Variants in SLC9A1 observed in about 807,000 individuals in gnomAD.
The protein encoded by SLC9A1 is sodium/hydrogen exchanger 1.
Under a neutral mutation model 67.9 loss-of-function variants are expected in SLC9A1, and 22 were observed. That is an observed-to-expected ratio of 0.32 (90% CI 0.23 to 0.46). SLC9A1 has a LOEUF of 0.46. Ranked by LOEUF, SLC9A1 falls within the 20% of genes least tolerant of loss-of-function variation. The pLI is 1.00. For synonymous variants in SLC9A1, 421 were observed against 471.8 expected (o/e 0.89, Z 1.40); for missense variants, 686 against 1,094.8 (o/e 0.63, Z 5.27).
chr1:27,111,425 C>A (rs766087323), intron 2 of SLC9A1, among the ~76,000 whole-genome samples: 2 of 152,172 alleles, frequency 1.3e-5, no homozygotes, highest in Non-Finnish European at 2.9e-5. Context: ...TGTAACCTCT[C>A]CGTTCCTCAG....
rs1557431574 is a variant in SLC9A1 at position 27,137,949 on chromosome 1, G to A, written c.352+16034C>T. Among the ~76,000 whole-genome samples the A allele has an allele frequency of 1.3e-5, 2 of 152,228 alleles. No individual in the cohort carries two copies. The highest frequency in any genetic ancestry group is 4.8e-5 in the African/African-American group (2 of 41,472). ...TTCCATCCCACTGCTGGCTTGGCCAGTGGTGCCTGTCGGGAAGCTTTACTC... is the reference window on the plus strand; with the variant it reads ...TTCCATCCCACTGCTGGCTTGGCCAATGGTGCCTGTCGGGAAGCTTTACTC... On this transcript the variant is annotated intron_variant, in intron 1 of 11. Coordinates refer to ENST00000263980, the MANE Select transcript of SLC9A1 (RefSeq NM_003047.5). This position sits in a 1 kb window ranked among gnomAD's most constrained non-coding sequence, Gnocchi z 4.6.
rs575388279 is a variant in SLC9A1 at position 27,114,971 on chromosome 1, C to T, written c.353-685G>A. ...AGACACGGCTCAAGGATGTCAGTGG[C>T]AACCAGCTTTGGCAGGTGAGATAAA... is the stretch of plus-strand genomic sequence containing the variant. On this transcript the variant is annotated intron_variant, in intron 1 of 11. Transcript: ENST00000263980. The surrounding 1 kb of genome is among the most constrained non-coding windows in gnomAD (Gnocchi z 5.4). Among the ~76,000 whole-genome samples the T allele has an allele frequency of 2.4e-4, 37 of 152,266 alleles. 1 individual carries two copies. The South Asian group carries it at 7.5e-3, about 31-fold the overall frequency.
intron 1 of SLC9A1, among the ~76,000 whole-genome samples, chr1:27,135,835 C>A (rs2083417352): frequency 6.6e-6 from 1 of 152,196 alleles, no homozygotes; most frequent in African/African-American, 2.4e-5. Context: ...ATAGGCTGAG[C>A]AAAAGCAGCC....
At chr1:27,136,165 G>A (rs1472676176) in intron 1 of SLC9A1, among the ~76,000 whole-genome samples, 4 of 152,180 alleles carry the variant, frequency 2.6e-5, no homozygotes, top group Admixed American at 2.0e-4. Flanking sequence ...TATCCTCAGC[G>A]CTAAGCACAC....
chr1:27,119,241 T>C (rs2083290931), intron 1 of SLC9A1, among the ~76,000 whole-genome samples: 1 of 152,162 alleles, frequency 6.6e-6, no homozygotes, highest in African/African-American at 2.4e-5. Flanking sequence ...CTGTCCGACA[T>C]CACCCTGGGT....
chr1:27,127,452 C>G (rs1021006451), intron 1 of SLC9A1, among the ~76,000 whole-genome samples: 2 of 152,234 alleles, frequency 1.3e-5, no homozygotes, highest in Non-Finnish European at 2.9e-5. Flanking sequence ...GGTCCAGACA[C>G]AGGCCCAAGA....
At chr1:27,115,465 T>C (rs1194551382) in intron 1 of SLC9A1, among the ~76,000 whole-genome samples, 2 of 152,140 alleles carry the variant, frequency 1.3e-5, no homozygotes, top group East Asian at 3.9e-4. Context: ...GTATGTTGGG[T>C]ACTATGCTCC....
intron 1 of SLC9A1, among the ~76,000 whole-genome samples, chr1:27,152,803 A>C (rs1454738155): frequency 6.6e-6 from 1 of 152,120 alleles, no homozygotes; most frequent in Non-Finnish European, 1.5e-5. Flanking sequence ...AGCCTGCCTC[A>C]CACCAGCCCG....
chr1:27,142,259 G>A (rs1218045604), intron 1 of SLC9A1, among the ~76,000 whole-genome samples: 2 of 152,242 alleles, frequency 1.3e-5, no homozygotes, highest in East Asian at 3.8e-4. Flanking sequence ...CAGGGAAGAA[G>A]ACTGACTCTG....
In SLC9A1 at chr1:27,100,467, A is replaced by G. The variant is rs1372159203; in HGVS notation, c.2288T>C (p.Met763Thr). Residue 763 changes from methionine to threonine, a missense_variant, in exon 12 of 12, where the codon ATG becomes ACG. Coordinates refer to ENST00000263980, the MANE Select transcript of SLC9A1 (RefSeq NM_003047.5). The surrounding 1 kb of genome is among the most constrained non-coding windows in gnomAD (Gnocchi z 5.6). Reference sequence around the variant, plus strand: ...GGACGAAGTCTCCTTGCTCCGCATCATGATGCCCCCATCGTCGTCCTCGTC... The same window carrying G: ...GGACGAAGTCTCCTTGCTCCGCATCGTGATGCCCCCATCGTCGTCCTCGTC... ...EEDEDDDGGI[M>T]MRSKETSSPG... The G allele has an allele frequency of 3.1e-6, 5 of 1,613,920 alleles. No individual in the cohort carries two copies. The African/African-American group carries it at 4.0e-5, about 13-fold the overall frequency.
At chr1:27,131,313 CTGGG>C (rs1026687386) in intron 1 of SLC9A1, among the ~76,000 whole-genome samples, 5 of 151,988 alleles carry the variant, frequency 3.3e-5, no homozygotes, top group African/African-American at 1.2e-4. Context: ...ATGATAGTGG[CTGGG>C]TGTGGTGGCT....
At position 27,101,909 on chromosome 1, in the gene SLC9A1, C is replaced by A; in HGVS notation, c.1936-83G>T. 4 of 1,430,654 alleles carry A rather than the reference C, an allele frequency of 2.8e-6. No individual in the cohort carries two copies. Among genetic ancestry groups the A allele is most frequent in the Non-Finnish European group, 2.9e-6 (3 of 1,018,568 alleles). 88.6% of individuals were successfully genotyped at this position (1,430,654 alleles called of 1,614,324 possible). A position where few individuals can be genotyped will look rare whatever the true frequency, so the allele number is the denominator to read the frequency against. On this transcript the variant is annotated intron_variant, in intron 9 of 11. Transcript: ENST00000263980. The surrounding 1 kb of genome is among the most constrained non-coding windows in gnomAD (Gnocchi z 4.9). ...GGTGGGGGCAGTGCTGGAGGCCGGG[C>A]CAGTCCTGGGGTGGGTGCCGAGGGG...
chr1:27,139,196 T>C (rs1257294844), intron 1 of SLC9A1, among the ~76,000 whole-genome samples: 1 of 152,170 alleles, frequency 6.6e-6, no homozygotes, highest in African/African-American at 2.4e-5. Flanking sequence ...ACTCAGAGCC[T>C]GCAAAGAGCC....
chr1:27,141,832 C>G (rs1258293577), intron 1 of SLC9A1, among the ~76,000 whole-genome samples: 1 of 152,232 alleles, frequency 6.6e-6, no homozygotes, highest in Non-Finnish European at 1.5e-5. Flanking sequence ...CTACCTGGTA[C>G]AGCATCCAGA....
intron 1 of SLC9A1, among the ~76,000 whole-genome samples, chr1:27,143,156 A>G (rs1035322504): frequency 6.6e-6 from 1 of 151,826 alleles, no homozygotes; most frequent in Non-Finnish European, 1.5e-5. Flanking sequence ...CACAAACTTT[A>G]TCATGGACTC....
Position 27,099,999 on chromosome 1 carries a change from A to G in SLC9A1, c.*308T>C. 2.8e-6 allele frequency: 1 copy of G among 360,828 alleles called. No individual in the cohort carries two copies. Among genetic ancestry groups the G allele is most frequent in the Non-Finnish European group, 5.0e-6 (1 of 200,296 alleles). The allele number at this position is 360,828 out of a possible 1,614,324, so 22.4% of individuals were successfully genotyped here. ...CTGAATGAGGAGGAGGATGAGGCAG[A>G]GGGAGGAGCCTCCGAGGCCCTAGTC... is the stretch of plus-strand genomic sequence containing the variant. On this transcript the variant is annotated 3_prime_UTR_variant, in exon 12 of 12. Transcript: ENST00000263980.
chr1:27,101,417 A>T lies in SLC9A1; in HGVS notation c.2038-142T>A. ...CCCTTGTGCCTGTGTGGGCACCCGT[A>T]CTGGCCCCTCAGGAGCTCCTAAGGG... On this transcript the variant is annotated intron_variant, in intron 10 of 11. Coordinates refer to ENST00000263980, the MANE Select transcript of SLC9A1 (RefSeq NM_003047.5). This position sits in a 1 kb window ranked among gnomAD's most constrained non-coding sequence, Gnocchi z 4.9. The T allele has an allele frequency of 1.5e-6, 1 of 678,334 alleles. No homozygotes were observed. Among genetic ancestry groups the T allele is most frequent in the East Asian group, 2.7e-5 (1 of 36,816 alleles). The allele number at this position is 678,334 out of a possible 1,614,324, so 42.0% of individuals were successfully genotyped here.
At position 27,118,995 on chromosome 1, in the gene SLC9A1, G is replaced by A. The variant is rs1331133315; in HGVS notation, c.353-4709C>T. Among the ~76,000 whole-genome samples, 1 of 151,652 alleles carries A rather than the reference G, an allele frequency of 6.6e-6. No individual in the cohort carries two copies. The highest frequency in any genetic ancestry group is 1.5e-5 in the Non-Finnish European group (1 of 67,932). Reference sequence around the variant, plus strand: ...CTCCTTTTAGAAGAGGCTGGGGGATGGGAGAAGTGTTTTTCATTCTATCTA... The same window carrying A: ...CTCCTTTTAGAAGAGGCTGGGGGATAGGAGAAGTGTTTTTCATTCTATCTA... On this transcript the variant is annotated intron_variant, in intron 1 of 11. Transcript: ENST00000263980. The surrounding 1 kb of genome is among the most constrained non-coding windows in gnomAD (Gnocchi z 4.3).
chr1:27,115,250 C>T (rs747488791), intron 1 of SLC9A1, among the ~76,000 whole-genome samples: 7 of 152,154 alleles, frequency 4.6e-5, no homozygotes, highest in South Asian at 2.1e-4. Flanking sequence ...CTCCCCAGGC[C>T]GTGTCCTGGC....
Sources: allele counts gnomAD v4.1 joint callset (sites outside exome capture counted in the v4.1 genomes callset), GRCh38; gene constraint gnomAD v4.1.1; non-coding constraint Gnocchi (gnomAD v3.1); transcripts MANE v1.5; gene names NCBI Gene and HGNC (gene_info 2026-07-23, HGNC 2026-07-21).